Variants in PTPRD observed in about 807,000 individuals in gnomAD.
PTPRD encodes the protein protein tyrosine phosphatase receptor type D, also known as receptor-type tyrosine-protein phosphatase delta.
A neutral mutation model predicts 214.5 loss-of-function variants in PTPRD; 34 were observed. The observed-to-expected ratio is 0.16, with a 90% confidence interval of 0.12 to 0.21. The LOEUF is 0.21. PTPRD is among the 10% of genes least tolerant of loss of function. The pLI, the probability that PTPRD is intolerant of heterozygous loss-of-function variation, is 1.00. For synonymous variants in PTPRD, 1,128 were observed against 845.7 expected (o/e 1.33, Z -5.79); for missense variants, 2,545 against 2,398.7 (o/e 1.06, Z -1.27).
chr9:9,404,871 G>A (rs527467713), intron 8 of PTPRD, among the ~76,000 whole-genome samples: 88 of 152,182 alleles, frequency 5.8e-4, no homozygotes, highest in African/African-American at 2.0e-3. Flanking sequence ...GTGGCCCTGT[G>A]CTAGATGGGA....
chr9:10,589,655 T>A (rs1056045245), intron 2 of PTPRD, among the ~76,000 whole-genome samples: 5 of 152,008 alleles, frequency 3.3e-5, no homozygotes, highest in Admixed American at 3.3e-4. Flanking sequence ...ATAAAACCTT[T>A]GACCCAGCAA....
At chr9:9,117,054 C>T (rs2099813052) in intron 10 of PTPRD, among the ~76,000 whole-genome samples, 2 of 152,002 alleles carry the variant, frequency 1.3e-5, no homozygotes, top group African/African-American at 4.8e-5. Flanking sequence ...TTTACTCCTT[C>T]CCAAATATAT....
At chr9:8,380,140 G>T (rs2084547443) in intron 37 of PTPRD, among the ~76,000 whole-genome samples, 1 of 152,118 alleles carries the variant, frequency 6.6e-6, no homozygotes, top group African/African-American at 2.4e-5. Context: ...TGAAAAAAAA[G>T]AACATGTTAT....
chr9:10,206,634 G>C (rs1594182389), intron 3 of PTPRD, among the ~76,000 whole-genome samples: 1 of 152,292 alleles, frequency 6.6e-6, no homozygotes, highest in South Asian at 2.1e-4. Context: ...AACTAAGGTG[G>C]AGACAAGGAA....
chr9:10,084,317 A>G (rs1034288585), intron 3 of PTPRD, among the ~76,000 whole-genome samples: 19 of 152,002 alleles, frequency 1.2e-4, no homozygotes, highest in Admixed American at 2.6e-4. Context: ...GTTAGTTACT[A>G]TGTTGGAAAT....
chr9:10,006,705 T>A (rs1333740074), intron 4 of PTPRD, among the ~76,000 whole-genome samples: 1 of 151,964 alleles, frequency 6.6e-6, no homozygotes, highest in Non-Finnish European at 1.5e-5. Flanking sequence ...TTAGGTAGGA[T>A]TTCTTCTATG....
At chr9:8,620,839 C>G (rs993030689) in intron 14 of PTPRD, among the ~76,000 whole-genome samples, 12 of 151,932 alleles carry the variant, frequency 7.9e-5, no homozygotes, top group African/African-American at 2.9e-4. Flanking sequence ...AAGACATTCA[C>G]CCCTCTACGT....
chr9:8,694,493 T>G (rs925632380), intron 12 of PTPRD, among the ~76,000 whole-genome samples: 6 of 152,158 alleles, frequency 3.9e-5, no homozygotes, highest in African/African-American at 1.4e-4. Context: ...GTATTTTCCA[T>G]AGAAAAGTTA....
chr9:8,726,163 C>G (rs935862802), intron 12 of PTPRD, among the ~76,000 whole-genome samples: 1 of 151,994 alleles, frequency 6.6e-6, no homozygotes, highest in African/African-American at 2.4e-5. Flanking sequence ...TATCTCCATC[C>G]AATCACAGGA....
chr9:9,002,942 T>A (rs2099429704), intron 11 of PTPRD, among the ~76,000 whole-genome samples: 1 of 152,038 alleles, frequency 6.6e-6, no homozygotes, highest in South Asian at 2.1e-4. Flanking sequence ...AATAGCCTGT[T>A]GTTAAATGTT....
At chr9:9,384,532 A>G (rs1242099573) in intron 9 of PTPRD, among the ~76,000 whole-genome samples, 1 of 151,488 alleles carries the variant, frequency 6.6e-6, no homozygotes, top group Non-Finnish European at 1.5e-5. Context: ...AACTTGTAAA[A>G]TATGTTCCTT....
chr9:8,845,848 T>G (rs1293643451), intron 11 of PTPRD, among the ~76,000 whole-genome samples: 1 of 152,226 alleles, frequency 6.6e-6, no homozygotes, highest in East Asian at 1.9e-4. Context: ...TCAATTTTAT[T>G]AGATACCATT....
chr9:10,442,420 G>C lies in PTPRD; in HGVS notation c.-599-101403C>G, dbSNP rs548177877. 4.6e-5 allele frequency among the ~76,000 whole-genome samples: 7 copies of C among 151,712 alleles called. No homozygotes were observed. In the South Asian group the frequency reaches 1.5e-3, roughly 31 times the overall value. ...GAAAGGTAGGAGAATGTTACAGATA[G>C]TTTGACCTATAAGAATAAGTTTGAT... On this transcript the variant is annotated intron_variant, in intron 2 of 45. Transcript: ENST00000381196.
rs57501258 is a variant in PTPRD, at chr9:8,909,768, CAGAGAT to C, written c.-104+108923_-104+108928del. ...GAAGACATAGAGATAGAGATAGAGA[CAGAGAT>C]AGAGATAGAGATAGAGATAGACAGA... is the stretch of plus-strand genomic sequence containing the variant. On this transcript the variant is annotated intron_variant, in intron 11 of 45. Transcript: ENST00000381196. Among the ~76,000 whole-genome samples, 1,211 of 142,648 alleles carry C rather than the reference CAGAGAT, an allele frequency of 8.5e-3. 40 individuals are homozygous for C. The South Asian group carries it at 0.11, about 13-fold the overall frequency. 93.6% of individuals were successfully genotyped at this position (142,648 alleles called of 152,430 possible).
At chr9:9,658,193 G>A (rs576444672) in intron 7 of PTPRD, among the ~76,000 whole-genome samples, 24 of 152,140 alleles carry the variant, frequency 1.6e-4, no homozygotes, top group African/African-American at 5.5e-4. Flanking sequence ...TCAAAAGTCA[G>A]ATGTACCAGG....
intron 3 of PTPRD, among the ~76,000 whole-genome samples, chr9:10,162,685 A>G (rs1297328362): frequency 1.4e-5 from 2 of 147,252 alleles, no homozygotes; most frequent in Non-Finnish European, 3.0e-5. Context: ...ACATGTATAT[A>G]TGTGTATATA....
chr9:9,693,448 T>A (rs2097311151), intron 7 of PTPRD, among the ~76,000 whole-genome samples: 1 of 152,238 alleles, frequency 6.6e-6, no homozygotes, highest in South Asian at 2.1e-4. Context: ...ATTGTAAGTT[T>A]CCTCCCCCCG....
chr9:10,167,612 G>C (rs767157609), intron 3 of PTPRD, among the ~76,000 whole-genome samples: 3 of 152,146 alleles, frequency 2.0e-5, no homozygotes, highest in African/African-American at 7.2e-5. Context: ...TGGATGTACG[G>C]AGTTTTAAAA....
At chr9:8,604,578 T>C (rs1362373746) in intron 14 of PTPRD, among the ~76,000 whole-genome samples, 2 of 152,082 alleles carry the variant, frequency 1.3e-5, no homozygotes, top group East Asian at 1.9e-4. Context: ...GATACCAAAG[T>C]GGACAGTCAA....
Sources: allele counts gnomAD v4.1 joint callset (sites outside exome capture counted in the v4.1 genomes callset), GRCh38; gene constraint gnomAD v4.1.1; transcripts MANE v1.5; gene names NCBI Gene and HGNC (gene_info 2026-07-23, HGNC 2026-07-21).